SMUG1: variants seen among roughly 807,000 people sequenced by gnomAD.
The protein encoded by SMUG1 is single-strand selective monofunctional uracil DNA glycosylase.
Under a neutral mutation model 23.9 loss-of-function variants are expected in SMUG1, and 13 were observed. The observed-to-expected ratio is 0.54, with a 90% CI of 0.35 to 0.86. SMUG1 has a LOEUF of 0.86. SMUG1 is among the 40% of genes least tolerant of loss of function. SMUG1 has a pLI of 0.01. For synonymous variants in SMUG1, 133 were observed against 139.8 expected, an observed-to-expected ratio of 0.95 and a Z score of 0.34; for missense variants, 313 against 339.5, an observed-to-expected ratio of 0.92 and a Z score of 0.61.
downstream of SMUG1, among the ~76,000 whole-genome samples, chr12:54,160,006 A>C (rs1409840498): frequency 6.6e-6 from 1 of 152,172 alleles, no homozygotes; most frequent in Non-Finnish European, 1.5e-5. Context: ...GGGCCTGTCC[A>C]TGCACACTGA....
intron 2 of SMUG1, among the ~76,000 whole-genome samples, chr12:54,186,337 TTTG>T (rs1420786664): frequency 1.9e-5 from 2 of 103,390 alleles, no homozygotes; most frequent in Admixed American, 1.9e-4. Context: ...TGTTTTTTGT[TTTG>T]TTTTGTTTTG....
intron 3 of SMUG1, among the ~76,000 whole-genome samples, chr12:54,167,249 T>C (rs866417925): frequency 7.9e-5 from 12 of 152,186 alleles, no homozygotes; most frequent in African/African-American, 1.2e-4. Context: ...GAGGCATAGT[T>C]TGTTATCAGG....
chr12:54,167,144 G>C (rs555468427), intron 3 of SMUG1, among the ~76,000 whole-genome samples: 1 of 152,106 alleles, frequency 6.6e-6, no homozygotes, highest in Non-Finnish European at 1.5e-5. Flanking sequence ...AGGCAGCTGG[G>C]TCCCAGTGTT....
rs1268134946 is a variant in SMUG1 at position 54,159,480 on chromosome 12, GAA to G, written n.687+5892_687+5893del. 2.6e-5 allele frequency among the ~76,000 whole-genome samples: 4 copies of G among 152,254 alleles called. No individual in the cohort carries two copies. In the East Asian group the frequency reaches 7.7e-4, roughly 29 times the overall value. On this transcript the variant is annotated intron_variant and non_coding_transcript_variant, in intron 4 of 5. Coordinates refer to the SMUG1 transcript ENST00000634429. ...GCACCCCTGGCGCTTCTCCTCCCCA[GAA>G]ATCTCTCCACCTGCCCCCAGTTCCC...
downstream of SMUG1, among the ~76,000 whole-genome samples, chr12:54,177,024 G>C (rs564931358): frequency 5.3e-4 from 81 of 152,234 alleles, no homozygotes; most frequent in African/African-American, 1.9e-3. Flanking sequence ...ACAAACTCTA[G>C]AGAAACTAGT....
rs1941123990 is a variant in SMUG1, at chr12:54,181,763, T to A, written c.*333A>T. The stretch of plus-strand genomic sequence containing the variant: ...CCTTAGAAGTTACTGTCTAGGGCAC[T>A]CTCAGCTGAATAAAGTCTCCCAAGG... On this transcript the variant is annotated 3_prime_UTR_variant, in exon 4 of 4. Coordinates refer to ENST00000682136, the MANE Select transcript of SMUG1 (RefSeq NM_001243787.2). 1.4e-6 allele frequency: 2 copies of A among 1,451,984 alleles called. No homozygotes were observed. Among genetic ancestry groups the A allele is most frequent in the Non-Finnish European group, 1.8e-6 (2 of 1,106,826 alleles). 89.9% of individuals were successfully genotyped at this position (1,451,984 alleles called of 1,614,324 possible).
intron 4 of SMUG1, among the ~76,000 whole-genome samples, chr12:54,159,236 A>G (rs1484615466): frequency 6.6e-6 from 1 of 152,178 alleles, no homozygotes; most frequent in African/African-American, 2.4e-5. Flanking sequence ...CCCTCACTGA[A>G]GAAGGAGGTA....
rs370244408 is a variant in SMUG1, at chr12:54,166,785, A to C, written c.*53-1307T>G. Among the ~76,000 whole-genome samples the C allele has an allele frequency of 2.3e-4, 35 of 152,312 alleles. No individual in the cohort carries two copies. In the South Asian group the frequency reaches 7.2e-3, roughly 32 times the overall value. ...CTCAGGCACAGGGGACAGGAGACAC[A>C]CAGGGAGGAAAGAGATGGATCCTTG... On this transcript the variant is annotated intron_variant and NMD_transcript_variant, in intron 3 of 4. Transcript: ENST00000509864.
At chr12:54,166,899 TCTCCACC>T (rs1474752818) in intron 3 of SMUG1, among the ~76,000 whole-genome samples, 1 of 152,038 alleles carries the variant, frequency 6.6e-6, no homozygotes, top group Non-Finnish European at 1.5e-5. Context: ...CAAAAAATAG[TCTCCACC>T]CTCACACGCC....
downstream of SMUG1, among the ~76,000 whole-genome samples, chr12:54,179,611 G>A (rs1055854166): frequency 6.6e-6 from 1 of 152,134 alleles, no homozygotes; most frequent in Non-Finnish European, 1.5e-5. Context: ...ACTACAGGGA[G>A]TTAGTGCATA....
chr12:54,171,420 G>C (rs547165071), intron 3 of SMUG1, among the ~76,000 whole-genome samples: 5 of 150,988 alleles, frequency 3.3e-5, no homozygotes, highest in East Asian at 2.0e-4. Context: ...GGTCGGGCGC[G>C]GTGGCTCACA....
At chr12:54,170,614 T>C (rs1940592652) in intron 3 of SMUG1, among the ~76,000 whole-genome samples, 1 of 152,180 alleles carries the variant, frequency 6.6e-6, no homozygotes, top group Admixed American at 6.5e-5. Flanking sequence ...TTGTTTTTTT[T>C]GTGAGACAGT....
downstream of SMUG1, among the ~76,000 whole-genome samples, chr12:54,177,151 G>A (rs557389958): frequency 1.3e-5 from 2 of 152,190 alleles, no homozygotes; most frequent in Middle Eastern, 3.2e-3. Context: ...AAAGAAAAAG[G>A]AGACCCTGGC....
At chr12:54,167,140 C>G (rs1380363351) in intron 3 of SMUG1, among the ~76,000 whole-genome samples, 1 of 152,154 alleles carries the variant, frequency 6.6e-6, no homozygotes, top group Non-Finnish European at 1.5e-5. Flanking sequence ...TCCTAGGCAG[C>G]TGGGTCCCAG....
At chr12:54,167,365 C>CA (rs1288623866) in intron 3 of SMUG1, among the ~76,000 whole-genome samples, 1 of 152,086 alleles carries the variant, frequency 6.6e-6, no homozygotes, top group Non-Finnish European at 1.5e-5. Flanking sequence ...AGAGGGAAAA[C>CA]AAAAAACAAA....
chr12:54,162,268 C>T (rs905508628), downstream of SMUG1: 1 of 152,256 alleles, frequency 6.6e-6, no homozygotes. Flanking sequence ...GCCAGGGCCA[C>T]ACATGGAAGG....
chr12:54,166,212 T>G (rs767316345), intron 3 of SMUG1, among the ~76,000 whole-genome samples: 1 of 151,956 alleles, frequency 6.6e-6, no homozygotes, highest in African/African-American at 2.4e-5. Context: ...AATACAAAAA[T>G]TATCTGGACG....
downstream of SMUG1, among the ~76,000 whole-genome samples, chr12:54,176,723 C>G (rs951015171): frequency 6.6e-6 from 1 of 151,378 alleles, no homozygotes; most frequent in Non-Finnish European, 1.5e-5. Flanking sequence ...AGGAGAATGG[C>G]GTGAACCCGG....
intron 3 of SMUG1, chr12:54,172,018 C>T: frequency 2.2e-6 from 1 of 452,066 alleles, no homozygotes; most frequent in Non-Finnish European, 4.5e-6. Context: ...CCCTCATCCC[C>T]TCTTACCTGA....
Sources: allele counts gnomAD v4.1 joint callset (sites outside exome capture counted in the v4.1 genomes callset), GRCh38; gene constraint gnomAD v4.1.1; transcripts MANE v1.5; gene names NCBI Gene and HGNC (gene_info 2026-07-23, HGNC 2026-07-21).